VPS45: variants seen among roughly 807,000 people sequenced by gnomAD.
VPS45 encodes vacuolar protein sorting-associated protein 45.
Under a neutral mutation model 75.9 loss-of-function variants are expected in VPS45, and 35 were observed. The ratio of observed to expected loss-of-function variants is 0.46; its 90% CI spans 0.35 to 0.61. The LOEUF is 0.61. Ranked by LOEUF, VPS45 falls within the 20% of genes least tolerant of loss-of-function variation. The pLI is 0.00. For missense variants in VPS45, 559 were observed against 685.9 expected (o/e 0.81, Z 2.07); for synonymous variants, 220 against 238.2 (o/e 0.92, Z 0.70).
rs1327671540 is a variant in VPS45 at position 150,144,705 on chromosome 1, T to G, written c.1626-4T>G. The G allele has an allele frequency of 6.2e-7, 1 of 1,609,220 alleles. No individual in the cohort carries two copies. Among genetic ancestry groups the G allele is most frequent in the Non-Finnish European group, 8.5e-7 (1 of 1,177,320 alleles). On this transcript the variant is annotated splice_region_variant and splice_polypyrimidine_tract_variant and intron_variant, in intron 14 of 14. Transcript: ENST00000644510. ...CCTTCAAGTAACCTCAAACTACTTA[T>G]CAGTTTCCTAGAGGAAGTTCTGGCT...
intron 13 of VPS45, chr1:150,109,365 C>CT (rs1657514924): frequency 6.6e-6 from 1 of 152,066 alleles, no homozygotes; most frequent in African/African-American, 2.4e-5. Flanking sequence ...AATTTAGAGA[C>CT]TATCTGAACA....
chr1:150,093,149 T>TTTCTTA (rs1284926561), intron 12 of VPS45, among the ~76,000 whole-genome samples: 1 of 152,140 alleles, frequency 6.6e-6, no homozygotes, highest in Non-Finnish European at 1.5e-5. Context: ...CCCGGCAGCC[T>TTTCTTA]TTCTTATGTT....
At position 150,098,996 on chromosome 1, in the gene VPS45, G is replaced by C. The variant is rs904281278; in HGVS notation, c.1493+5348G>C. ...AATGTAGTAGAATCTTGTTGCTACA[G>C]CTTATTTTTTGTTTCTGTGAAGCAG... On this transcript the variant is annotated intron_variant, in intron 13 of 14. Transcript: ENST00000644510. 5.4e-6 allele frequency: 6 copies of C among 1,108,980 alleles called. No homozygotes were observed. The African/African-American group carries it at 8.4e-5, about 15-fold the overall frequency. 68.7% of individuals were successfully genotyped at this position (1,108,980 alleles called of 1,614,324 possible).
intron 14 of VPS45, among the ~76,000 whole-genome samples, chr1:150,131,852 T>G (rs1553812463): frequency 6.6e-6 from 1 of 151,930 alleles, no homozygotes; most frequent in African/African-American, 2.4e-5. Context: ...TCTCAATAAG[T>G]AAATAAATAA....
At chr1:150,097,983 G>A (rs1656771137) in intron 13 of VPS45, among the ~76,000 whole-genome samples, 1 of 152,018 alleles carries the variant, frequency 6.6e-6, no homozygotes, top group Non-Finnish European at 1.5e-5. Flanking sequence ...CTAAGTAGCT[G>A]GGGCTACAGG....
chr1:150,125,838 C>T (rs1009488283), intron 14 of VPS45, among the ~76,000 whole-genome samples: 4 of 151,988 alleles, frequency 2.6e-5, no homozygotes, highest in African/African-American at 4.8e-5. Flanking sequence ...TAGGCGCCTG[C>T]CACCACTCCC....
At chr1:150,103,248 C>A (rs1657137661) in intron 13 of VPS45, among the ~76,000 whole-genome samples, 1 of 152,108 alleles carries the variant, frequency 6.6e-6, no homozygotes, top group Non-Finnish European at 1.5e-5. Flanking sequence ...CACTTAGCTT[C>A]AACCATCATA....
At chr1:150,092,490 A>C (rs1656387587) in intron 12 of VPS45, 81 bp downstream of exon 12, 8 of 1,127,258 alleles carry the variant, frequency 7.1e-6, no homozygotes, top group Non-Finnish European at 1.0e-5. Context: ...ATGATCTTCA[A>C]AGTATCTTGA....
chr1:150,118,696 G>A (rs142223308), intron 14 of VPS45, among the ~76,000 whole-genome samples: 14 of 152,228 alleles, frequency 9.2e-5, no homozygotes, highest in African/African-American at 2.6e-4. Context: ...GTGAGCCACC[G>A]CACCCGGCCT....
At chr1:150,097,810 T>C (rs1455671538) in intron 13 of VPS45, among the ~76,000 whole-genome samples, 1 of 151,950 alleles carries the variant, frequency 6.6e-6, no homozygotes, top group Non-Finnish European at 1.5e-5. Flanking sequence ...TATAATATAT[T>C]TTCACAAGCA....
intron 14 of VPS45, among the ~76,000 whole-genome samples, chr1:150,124,857 C>G (rs1553810406): frequency 1.3e-5 from 2 of 151,788 alleles, no homozygotes; most frequent in Non-Finnish European, 2.9e-5. Flanking sequence ...CTGTGCCCAG[C>G]CCCTTCTAAT....
At chr1:150,068,472 C>T (rs1553796293) in intron 1 of VPS45, 158 bp from the exon 2 acceptor site, 4 of 583,052 alleles carry the variant, frequency 6.9e-6, no homozygotes, top group African/African-American at 1.9e-5. Context: ...TTTTCATTCT[C>T]GTATGTTACC....
At chr1:150,133,282 G>A (rs1553812787) in intron 14 of VPS45, among the ~76,000 whole-genome samples, 1 of 152,158 alleles carries the variant, frequency 6.6e-6, no homozygotes, top group Admixed American at 6.5e-5. Context: ...AGGCGTGGTG[G>A]CTCACGCCTG....
Position 150,114,183 on chromosome 1 carries a change from C to T in VPS45, c.1625+3556C>T, listed in dbSNP as rs182546682. Among the ~76,000 whole-genome samples the T allele has an allele frequency of 2.2e-3, 329 of 152,062 alleles. 1 individual carries two copies. The highest frequency in any genetic ancestry group is 0.01 in the Middle Eastern group (3 of 294). On this transcript the variant is annotated intron_variant, in intron 14 of 14. Coordinates refer to ENST00000644510, the MANE Select transcript of VPS45 (RefSeq NM_007259.5). ...TTTCTTCAATCCAATTTTCTTCTAA[C>T]TAAAGAACACTCTTGCCTGAATCCC... is the stretch of plus-strand genomic sequence containing the variant.
At position 150,092,109 on chromosome 1, in the gene VPS45, A is replaced by G; in HGVS notation, c.1263+14A>G. 2 of 1,606,916 alleles carry G rather than the reference A, an allele frequency of 1.2e-6. No homozygotes were observed. The highest frequency in any genetic ancestry group is 2.2e-5 in the South Asian group (2 of 89,956). ...AAGTATCGAAAGGTAACCAGTTTCCATATTAGCCCACCAAACAGGAACCAA... is the reference window on the plus strand; with the variant it reads ...AAGTATCGAAAGGTAACCAGTTTCCGTATTAGCCCACCAAACAGGAACCAA... On this transcript the variant is annotated intron_variant, in intron 11 of 14. Transcript: ENST00000644510.
At chr1:150,107,897 G>T (rs186241100) in intron 13 of VPS45, among the ~76,000 whole-genome samples, 1 of 151,936 alleles carries the variant, frequency 6.6e-6, no homozygotes, top group Admixed American at 6.6e-5. Flanking sequence ...GCAAGACTCC[G>T]TCTCAAAAAA....
chr1:150,111,236 C>T (rs1657630032), intron 14 of VPS45, among the ~76,000 whole-genome samples: 1 of 152,130 alleles, frequency 6.6e-6, no homozygotes, highest in Non-Finnish European at 1.5e-5. Flanking sequence ...GCAAATGTTT[C>T]ACATAGAAGA....
intron 14 of VPS45, among the ~76,000 whole-genome samples, chr1:150,138,601 T>C (rs1659233746): frequency 6.6e-6 from 1 of 152,124 alleles, no homozygotes; most frequent in Non-Finnish European, 1.5e-5. Context: ...CCTATACCCA[T>C]GAGAAACCAG....
chr1:150,114,409 A>C (rs937177928), intron 14 of VPS45, among the ~76,000 whole-genome samples: 1 of 151,388 alleles, frequency 6.6e-6, no homozygotes, highest in Admixed American at 6.6e-5. Context: ...TGGAGGTTGC[A>C]GTGAGCCAAG....
Sources: gnomAD v4.1 joint callset for allele counts (sites outside exome capture counted in the v4.1 genomes callset) on GRCh38, gnomAD v4.1.1 for gene constraint, MANE v1.5 for transcripts, NCBI Gene and HGNC (gene_info 2026-07-23, HGNC 2026-07-21) for gene names.